The following PLXNA4 variants were observed in gnomAD, a reference collection of about 807,000 sequenced individuals.
PLXNA4 encodes plexin A4.
In PLXNA4, 44 loss-of-function variants were observed where a neutral mutation model predicts 191.8. That is an observed-to-expected ratio of 0.23 (90% CI 0.18 to 0.29). The LOEUF is 0.29. Among genes scored for constraint, PLXNA4 ranks in the 10% least tolerant of loss-of-function variants. The pLI is 1.00. For missense variants in PLXNA4, 1,800 were observed against 2,488.8 expected (o/e 0.72, Z 5.89); for synonymous variants, 1,082 against 1,009.5 (o/e 1.07, Z -1.36).
At chr7:132,385,622 G>T (rs1040837577) in intron 3 of PLXNA4, among the ~76,000 whole-genome samples, 1 of 152,180 alleles carries the variant, frequency 6.6e-6, no homozygotes, top group Non-Finnish European at 1.5e-5. Flanking sequence ...ATCAGGACAG[G>T]ATGCCTCACC....
At chr7:132,281,932 A>G (rs549960242) in intron 4 of PLXNA4, among the ~76,000 whole-genome samples, 1 of 152,184 alleles carries the variant, frequency 6.6e-6, no homozygotes, top group Non-Finnish European at 1.5e-5. Flanking sequence ...TATAACATTG[A>G]TAATATCTGT....
intron 4 of PLXNA4, among the ~76,000 whole-genome samples, chr7:132,283,247 T>C (rs1800554542): frequency 6.6e-6 from 1 of 152,180 alleles, no homozygotes; most frequent in African/African-American, 2.4e-5. Context: ...TAAGAACATC[T>C]GAGAAGATGC....
At chr7:132,444,238 G>T (rs75795636) in intron 3 of PLXNA4, among the ~76,000 whole-genome samples, 4,378 of 152,332 alleles carry the variant, frequency 0.029, 83 homozygotes, top group Non-Finnish European at 0.044. Context: ...CTCAGGTGTT[G>T]TTGTCAGAAA....
At position 132,393,213 on chromosome 7, in the gene PLXNA4, C is replaced by T. The variant is rs540950592; in HGVS notation, c.1372-94991G>A. Among the ~76,000 whole-genome samples, 334 of 121,618 alleles carry T rather than the reference C, an allele frequency of 2.7e-3. 3 individuals carry two copies. The highest frequency in any genetic ancestry group is 8.4e-3 in the Middle Eastern group (2 of 238). The allele number at this position is 121,618 out of a possible 152,430, so 79.8% of individuals were successfully genotyped here. On this transcript the variant is annotated intron_variant, in intron 3 of 31. Transcript: ENST00000321063. The stretch of plus-strand genomic sequence containing the variant: ...ACACCCCCCCCCACCACCACCACCA[C>T]TGACCCCAGCCCCACCCACCCAAGA...
Position 132,508,791 on chromosome 7 carries a change from G to T in PLXNA4, c.-86-12C>A. 7.0e-7 allele frequency: 1 copy of T among 1,435,522 alleles called. No homozygotes were observed. Among genetic ancestry groups the T allele is most frequent in the Non-Finnish European group, 9.1e-7 (1 of 1,099,274 alleles). The allele number at this position is 1,435,522 out of a possible 1,614,324, so 88.9% of individuals were successfully genotyped here. ...TGCAGTCTCCCCTACTGGAGAAAGGGAAGACAATGAGCTGGATAACAATGC... is the reference window on the plus strand; with the variant it reads ...TGCAGTCTCCCCTACTGGAGAAAGGTAAGACAATGAGCTGGATAACAATGC... On this transcript the variant is annotated splice_polypyrimidine_tract_variant and intron_variant, in intron 1 of 31. Coordinates refer to ENST00000321063, the MANE Select transcript of PLXNA4 (RefSeq NM_020911.2). The surrounding 1 kb of genome is among the most constrained non-coding windows in gnomAD (Gnocchi z 4.4).
chr7:132,202,107 C>A (rs534660869), intron 12 of PLXNA4, among the ~76,000 whole-genome samples: 2 of 152,184 alleles, frequency 1.3e-5, no homozygotes, highest in African/African-American at 4.8e-5. Context: ...GGCTCTTCAC[C>A]GTGTTCCTCC....
chr7:132,599,402 T>C (rs74557534), intron 2 of PLXNA4, among the ~76,000 whole-genome samples: 1 of 152,246 alleles, frequency 6.6e-6, no homozygotes, highest in Non-Finnish European at 1.5e-5. Context: ...TCAACTTCTA[T>C]GTACTTTATT....
intron 24 of PLXNA4, 95 bp from the exon 25 acceptor site, chr7:132,159,727 C>T: frequency 1.9e-6 from 3 of 1,557,338 alleles, no homozygotes; most frequent in Non-Finnish European, 2.6e-6. Context: ...TCCTGAATGG[C>T]TCATCCTCTC....
intron 12 of PLXNA4, among the ~76,000 whole-genome samples, chr7:132,199,976 G>T (rs1455876559): frequency 6.6e-6 from 1 of 152,240 alleles, no homozygotes; most frequent in Non-Finnish European, 1.5e-5. Context: ...GAGGTGGACA[G>T]ATGTGGGGAA....
chr7:132,267,990 T>C (rs926832771), intron 4 of PLXNA4, among the ~76,000 whole-genome samples: 5 of 152,190 alleles, frequency 3.3e-5, no homozygotes, highest in Non-Finnish European at 5.9e-5. Flanking sequence ...ATTGATTGGC[T>C]TGCTTGATTA....
chr7:132,448,581 G>A (rs138978785), intron 3 of PLXNA4, among the ~76,000 whole-genome samples: 11 of 152,264 alleles, frequency 7.2e-5, no homozygotes, highest in East Asian at 1.9e-4. Flanking sequence ...TAGTATCCTC[G>A]GAAAAGCAAA....
rs148730562 is a variant in PLXNA4 at position 132,155,361 on chromosome 7, T to A, written c.4660+4112A>T. Among the ~76,000 whole-genome samples, 625 of 152,268 alleles carry A rather than the reference T, an allele frequency of 4.1e-3. 4 individuals are homozygous for A. Among genetic ancestry groups the A allele is most frequent in the African/African-American group, 0.014 (587 of 41,556 alleles). On this transcript the variant is annotated intron_variant, in intron 25 of 31. Transcript: ENST00000321063. ...CAGGGGAAGAGAATGGCACCAGTGA[T>A]TTCCCTTGAGGAGTGAAGGGAGGAG...
chr7:132,175,820 C>T (rs1584796816), intron 20 of PLXNA4, among the ~76,000 whole-genome samples: 1 of 152,196 alleles, frequency 6.6e-6, no homozygotes, highest in East Asian at 1.9e-4. Flanking sequence ...TACGTGCATG[C>T]ATGCACATGG....
intron 31 of PLXNA4, among the ~76,000 whole-genome samples, chr7:132,132,487 GCTCTA>G (rs1563048486): frequency 2.6e-5 from 2 of 77,060 alleles, no homozygotes; most frequent in Non-Finnish European, 5.4e-5. Context: ...GCTCTGCTCT[GCTCTA>G]TTCTTTTCTA....
chr7:132,259,327 T>C (rs1180244579), intron 4 of PLXNA4, among the ~76,000 whole-genome samples: 1 of 150,100 alleles, frequency 6.7e-6, no homozygotes, highest in African/African-American at 2.4e-5. Context: ...TCCCAGCTAC[T>C]TGGGAGGCTG....
chr7:132,132,393 TTC>T lies in PLXNA4; in HGVS notation c.5589+654_5589+655del, dbSNP rs527329761. 3.2e-3 allele frequency among the ~76,000 whole-genome samples: 128 copies of T among 39,894 alleles called. 6 individuals are homozygous for T. The South Asian group carries it at 0.093, about 29-fold the overall frequency. 26.2% of individuals were successfully genotyped at this position (39,894 alleles called of 152,430 possible). A position where few individuals can be genotyped will look rare whatever the true frequency, so the allele number is the denominator to read the frequency against. ...AACACATTCTATTTGTTCTGTTCTG[TTC>T]TGTTCTGTTCTGTTCTGTTCTGTTC... On this transcript the variant is annotated intron_variant, in intron 31 of 31. Transcript: ENST00000321063.
At chr7:132,317,680 C>T (rs1802000221) in intron 3 of PLXNA4, among the ~76,000 whole-genome samples, 1 of 152,228 alleles carries the variant, frequency 6.6e-6, no homozygotes, top group Non-Finnish European at 1.5e-5. Context: ...CTGTGGCATT[C>T]AGTGACCATT....
intron 3 of PLXNA4, among the ~76,000 whole-genome samples, chr7:132,439,922 A>G (rs1795624629): frequency 6.6e-6 from 1 of 152,114 alleles, no homozygotes; most frequent in South Asian, 2.1e-4. Context: ...GCTTTATGGA[A>G]TTAGGATAAA....
intron 3 of PLXNA4, among the ~76,000 whole-genome samples, chr7:132,341,267 G>A (rs1261851784): frequency 6.6e-6 from 1 of 152,096 alleles, no homozygotes; most frequent in Non-Finnish European, 1.5e-5. Flanking sequence ...CTTGGGTTTT[G>A]CAGCCTTTAA....
Sources: allele counts gnomAD v4.1 joint callset (sites outside exome capture counted in the v4.1 genomes callset), GRCh38; gene constraint gnomAD v4.1.1; non-coding constraint Gnocchi (gnomAD v3.1); transcripts MANE v1.5; gene names NCBI Gene and HGNC (gene_info 2026-07-23, HGNC 2026-07-21).